The following CCBE1 variants were observed in gnomAD, a reference collection of about 807,000 sequenced individuals.
The protein encoded by CCBE1 is collagen and calcium-binding EGF domain-containing protein 1.
In CCBE1, 37 loss-of-function variants were observed where a neutral mutation model predicts 50.0. That is an observed-to-expected ratio of 0.74 (90% CI 0.57 to 0.97). The LOEUF (loss-of-function observed/expected upper bound fraction) is 0.97. Ranked by LOEUF, CCBE1 falls within the 50% of genes least tolerant of loss-of-function variation. The probability of loss-of-function intolerance (pLI) is 0.00; values close to 1 mark genes in which losing one functional copy is unlikely to be tolerated. For missense variants in CCBE1, 538 were observed against 523.8 expected (o/e 1.03, Z -0.26); for synonymous variants, 234 against 203.7 (o/e 1.15, Z -1.27).
intron 10 of CCBE1, 57 bp downstream of exon 10, chr18:59,438,054 A>C: frequency 1.3e-6 from 2 of 1,587,182 alleles, no homozygotes; most frequent in Non-Finnish European, 1.7e-6. Flanking sequence ...TAGGCTCATC[A>C]GAGCTGCATC....
chr18:59,639,011 T>C (rs1358936034), intron 2 of CCBE1, among the ~76,000 whole-genome samples: 1 of 152,168 alleles, frequency 6.6e-6, no homozygotes, highest in East Asian at 1.9e-4. Context: ...CTTGACTAAT[T>C]GTAAAATTTG....
intron 2 of CCBE1, among the ~76,000 whole-genome samples, chr18:59,650,813 C>T (rs2054117390): frequency 1.3e-5 from 2 of 151,522 alleles, no homozygotes; most frequent in South Asian, 4.2e-4. Context: ...GGGCAAGGGG[C>T]TCTGAAGTTG....
intron 2 of CCBE1, among the ~76,000 whole-genome samples, chr18:59,642,841 C>G (rs554837636): frequency 6.8e-6 from 1 of 147,942 alleles, no homozygotes; most frequent in African/African-American, 2.5e-5. Flanking sequence ...CCCAGCTATT[C>G]GGGAGGCTGA....
intron 2 of CCBE1, among the ~76,000 whole-genome samples, chr18:59,501,183 C>A (rs765993189): frequency 6.6e-6 from 1 of 152,220 alleles, no homozygotes; most frequent in African/African-American, 2.4e-5. Flanking sequence ...CTTAGCAGAG[C>A]CCACTCTAAG....
chr18:59,656,064 G>A (rs1284295786), intron 2 of CCBE1, among the ~76,000 whole-genome samples: 1 of 152,198 alleles, frequency 6.6e-6, no homozygotes, highest in African/African-American at 2.4e-5. Flanking sequence ...GGAGGAAAAG[G>A]CAAGGAGGAG....
intron 2 of CCBE1, among the ~76,000 whole-genome samples, chr18:59,525,506 C>T (rs554480912): frequency 7.9e-5 from 12 of 152,218 alleles, no homozygotes; most frequent in Admixed American, 1.3e-4. Flanking sequence ...ATTAGAACTT[C>T]GTTAGATGGA....
chr18:59,460,954 A>AATAC, intron 5 of CCBE1, among the ~76,000 whole-genome samples: 1 of 149,992 alleles, frequency 6.7e-6, no homozygotes, highest in African/African-American at 2.4e-5. Context: ...TAAATAAATA[A>AATAC]ATAAATAAAT....
At chr18:59,542,281 A>G (rs936819684) in intron 2 of CCBE1, among the ~76,000 whole-genome samples, 1 of 151,838 alleles carries the variant, frequency 6.6e-6, no homozygotes, top group African/African-American at 2.4e-5. Flanking sequence ...TAGAAATCTT[A>G]ATAAATTCTT....
At chr18:59,613,186 G>C (rs565669545) in intron 2 of CCBE1, among the ~76,000 whole-genome samples, 67 of 152,224 alleles carry the variant, frequency 4.4e-4, no homozygotes, top group African/African-American at 1.6e-3. Flanking sequence ...GGGCATGGAT[G>C]GGGTGGGGGG....
chr18:59,671,822 G>A (rs200152082), intron 2 of CCBE1, among the ~76,000 whole-genome samples: 85 of 71,904 alleles, frequency 1.2e-3, no homozygotes, highest in Non-Finnish European at 2.0e-3. Flanking sequence ...TAAAAAAAAA[G>A]GGGGGGGGTA....
chr18:59,470,201 C>T (rs1911964549), intron 3 of CCBE1, among the ~76,000 whole-genome samples: 1 of 152,142 alleles, frequency 6.6e-6, no homozygotes, highest in African/African-American at 2.4e-5. Flanking sequence ...ACAATCATGG[C>T]TGAAGGTGAA....
chr18:59,624,780 T>C (rs2053758260), intron 2 of CCBE1, among the ~76,000 whole-genome samples: 1 of 152,256 alleles, frequency 6.6e-6, no homozygotes, highest in Non-Finnish European at 1.5e-5. Flanking sequence ...AAGGTGATTC[T>C]ACCTCCCCAG....
At chr18:59,447,530 T>C (rs1598907721) in intron 7 of CCBE1, among the ~76,000 whole-genome samples, 1 of 152,080 alleles carries the variant, frequency 6.6e-6, no homozygotes, top group Non-Finnish European at 1.5e-5. Context: ...TAAATATAGG[T>C]ATAAATATGC....
chr18:59,507,212 A>T (rs1913916924), intron 2 of CCBE1, among the ~76,000 whole-genome samples: 2 of 152,104 alleles, frequency 1.3e-5, no homozygotes, highest in Non-Finnish European at 2.9e-5. Flanking sequence ...CATTCCCCTA[A>T]ACCATCCAGG....
At chr18:59,535,669 A>G (rs1196043912) in intron 2 of CCBE1, among the ~76,000 whole-genome samples, 1 of 152,250 alleles carries the variant, frequency 6.6e-6, no homozygotes, top group Non-Finnish European at 1.5e-5. Flanking sequence ...AAATTATGAC[A>G]TACTCATACA....
At chr18:59,457,474 CCCA>C (rs1448378451) in intron 5 of CCBE1, among the ~76,000 whole-genome samples, 6 of 152,176 alleles carry the variant, frequency 3.9e-5, no homozygotes, top group South Asian at 4.1e-4. Flanking sequence ...AATTACAATT[CCCA>C]CCACATGTGG....
intron 2 of CCBE1, among the ~76,000 whole-genome samples, chr18:59,625,183 G>A (rs1217799182): frequency 6.6e-6 from 1 of 152,216 alleles, no homozygotes; most frequent in African/African-American, 2.4e-5. Context: ...TGTAATCCCA[G>A]CACTTTGGGA....
At chr18:59,443,160 T>C (rs888914109) in intron 7 of CCBE1, among the ~76,000 whole-genome samples, 5 of 152,232 alleles carry the variant, frequency 3.3e-5, no homozygotes, top group Admixed American at 2.0e-4. Context: ...AAGAGACCTT[T>C]AGGCATCATC....
At chr18:59,687,754 C>G (rs577468832) in intron 2 of CCBE1, among the ~76,000 whole-genome samples, 1 of 151,980 alleles carries the variant, frequency 6.6e-6, no homozygotes, top group South Asian at 2.1e-4. Context: ...ACCTGAGGAG[C>G]TCAAGACCAG....
Sources: allele counts gnomAD v4.1 joint callset (sites outside exome capture counted in the v4.1 genomes callset), GRCh38; gene constraint gnomAD v4.1.1; transcripts MANE v1.5; gene names NCBI Gene and HGNC (gene_info 2026-07-23, HGNC 2026-07-21).